Variants in FAM227B observed in about 807,000 individuals in gnomAD.
FAM227B encodes protein FAM227B.
A neutral mutation model predicts 73.8 loss-of-function variants in FAM227B; 88 were observed. The ratio of observed to expected loss-of-function variants is 1.19; its 90% CI spans 1.00 to 1.42. The LOEUF is 1.42. FAM227B is among the 40% of genes most tolerant of loss of function. The pLI is 0.00. For synonymous variants in FAM227B, 210 were observed against 190.5 expected (o/e 1.10, Z -0.84); for missense variants, 632 against 590.9 (o/e 1.07, Z -0.72).
chr15:49,523,178 G>A (rs57954225), intron 10 of FAM227B, among the ~76,000 whole-genome samples: 40,745 of 152,028 alleles, frequency 0.27, 5,713 homozygotes, highest in East Asian at 0.38. Flanking sequence ...AGTGAGCCTA[G>A]GGTTAGTCTT....
At chr15:49,349,048 T>C (rs976291080) in intron 13 of FAM227B, among the ~76,000 whole-genome samples, 1 of 152,214 alleles carries the variant, frequency 6.6e-6, no homozygotes, top group African/African-American at 2.4e-5. Context: ...CCTGATTACC[T>C]AAAGCAACTG....
At chr15:49,502,744 G>T (rs1399761326) in intron 11 of FAM227B, among the ~76,000 whole-genome samples, 1 of 152,124 alleles carries the variant, frequency 6.6e-6, no homozygotes, top group Non-Finnish European at 1.5e-5. Flanking sequence ...TTTGGGAGGG[G>T]TCAGTGGTGA....
In FAM227B at chr15:49,567,432, C is replaced by T. The variant is rs1247949278; in HGVS notation, c.747+813G>A. ...GCCAAGTATCCTTATTCCCAGTCTA[C>T]TAGTGATAGTTTCTTTCTATCAAAC... is the stretch of plus-strand genomic sequence containing the variant. On this transcript the variant is annotated intron_variant, in intron 9 of 15. Transcript: ENST00000299338. Among the ~76,000 whole-genome samples, 3 of 152,148 alleles carry T rather than the reference C, an allele frequency of 2.0e-5. No homozygotes were observed. The East Asian group carries it at 5.8e-4, about 29-fold the overall frequency.
chr15:49,413,742 G>C (rs1042466988), intron 11 of FAM227B, among the ~76,000 whole-genome samples: 4 of 151,694 alleles, frequency 2.6e-5, no homozygotes, highest in African/African-American at 4.8e-5. Flanking sequence ...ATGTACATTG[G>C]TCTCGTGTTG....
At chr15:49,611,335 T>C (rs1022721787) in intron 2 of FAM227B, 67 bp from the exon 3 acceptor site, 11 of 786,130 alleles carry the variant, frequency 1.4e-5, no homozygotes, top group South Asian at 8.0e-5. Flanking sequence ...TATTTACAAA[T>C]AATTTACTTA....
intron 11 of FAM227B, among the ~76,000 whole-genome samples, chr15:49,426,682 T>C (rs16962445): frequency 0.017 from 2,607 of 151,954 alleles, 93 homozygotes; most frequent in African/African-American, 0.06. Flanking sequence ...AAAGCCAATT[T>C]TGTAAACCAT....
intron 11 of FAM227B, among the ~76,000 whole-genome samples, chr15:49,377,053 T>A (rs1385234954): frequency 1.3e-5 from 2 of 152,070 alleles, no homozygotes. Flanking sequence ...CAGCCTCTGG[T>A]AACCATCCTT....
intron 5 of FAM227B, among the ~76,000 whole-genome samples, chr15:49,584,794 C>T (rs1402179791): frequency 6.6e-6 from 1 of 152,066 alleles, no homozygotes; most frequent in African/African-American, 2.4e-5. Flanking sequence ...AGGAATACTG[C>T]TTACCAGGGA....
chr15:49,589,802 T>G lies in FAM227B; in HGVS notation c.311A>C (p.Lys104Thr). Residue 104 changes from lysine to threonine, a missense_variant, in exon 4 of 16, where the codon AAG becomes ACG. Physicochemically the swap from Lys to Thr is moderately conservative, Grantham distance 78. Transcript: ENST00000299338. ...ILQNHTSEIFKWKSMISETSS... is the reference protein window; with the variant it reads ...ILQNHTSEIFTWKSMISETSS... ...TGTCTCAGAAATCATGCTTTTCCAC[T>G]TAAATATTTCAGAGGTGTGGTTTTG... 1 of 1,592,378 alleles carries G rather than the reference T, an allele frequency of 6.3e-7. No individual in the cohort carries two copies. Among genetic ancestry groups the G allele is most frequent in the Non-Finnish European group, 8.6e-7 (1 of 1,161,102 alleles).
chr15:49,422,163 TGCGCGCGCGCGCGC>T (rs5812485), intron 11 of FAM227B, among the ~76,000 whole-genome samples: 2,583 of 146,826 alleles, frequency 0.018, 56 homozygotes, highest in South Asian at 0.088. Flanking sequence ...TGTGTGTGTG[TGCGCGCGCGCGCGC>T]GTGCACGCGT....
At chr15:49,584,996 A>C (rs1361662218) in intron 5 of FAM227B, among the ~76,000 whole-genome samples, 1 of 152,162 alleles carries the variant, frequency 6.6e-6, no homozygotes, top group East Asian at 1.9e-4. Context: ...AATTACAAGA[A>C]AAAAACAAAC....
At chr15:49,565,792 G>A (rs535689074) in intron 9 of FAM227B, among the ~76,000 whole-genome samples, 46 of 152,274 alleles carry the variant, frequency 3.0e-4, no homozygotes, top group African/African-American at 1.1e-3. Context: ...TTAAAATAAG[G>A]AGATTATCCC....
At chr15:49,567,775 T>C (rs747154082) in intron 9 of FAM227B, among the ~76,000 whole-genome samples, 28 of 152,086 alleles carry the variant, frequency 1.8e-4, no homozygotes, top group Non-Finnish European at 3.7e-4. Flanking sequence ...ATCCTATCCA[T>C]CAGTTAGTAC....
chr15:49,335,082 A>C (rs944065167), intron 14 of FAM227B, among the ~76,000 whole-genome samples: 1 of 152,184 alleles, frequency 6.6e-6, no homozygotes, highest in Admixed American at 6.5e-5. Context: ...CTTCCACTGC[A>C]GGGAATTTTT....
intron 11 of FAM227B, among the ~76,000 whole-genome samples, chr15:49,503,219 C>A (rs888880317): frequency 2.6e-5 from 4 of 152,052 alleles, no homozygotes; most frequent in African/African-American, 9.7e-5. Flanking sequence ...ACTGGCTAGC[C>A]ATATGTAGAA....
chr15:49,471,271 G>A (rs202078671), intron 11 of FAM227B, among the ~76,000 whole-genome samples: 4 of 146,666 alleles, frequency 2.7e-5, no homozygotes, highest in Non-Finnish European at 6.0e-5. Context: ...GGATCACCTA[G>A]GTCAGGAGTT....
At chr15:49,353,611 A>C (rs940206458) in intron 13 of FAM227B, 2 of 139,172 alleles carry the variant, frequency 1.4e-5, no homozygotes, top group African/African-American at 5.7e-5. Context: ...AAGGAAAATA[A>C]GGGTTTTTTT....
chr15:49,370,398 T>C (rs920221243), intron 12 of FAM227B, among the ~76,000 whole-genome samples: 1 of 152,236 alleles, frequency 6.6e-6, no homozygotes, highest in Non-Finnish European at 1.5e-5. Flanking sequence ...TTATCTCTGA[T>C]TTCTAAATCT....
chr15:49,365,958 T>C, intron 13 of FAM227B: 1 of 870,090 alleles, frequency 1.1e-6, no homozygotes, highest in South Asian at 1.3e-5. Context: ...AAACTAACCA[T>C]TTGTGGAAGA....
Sources: allele counts gnomAD v4.1 joint callset (sites outside exome capture counted in the v4.1 genomes callset), GRCh38; gene constraint gnomAD v4.1.1; transcripts MANE v1.5; gene names NCBI Gene and HGNC (gene_info 2026-07-23, HGNC 2026-07-21).